EYS: variants seen among roughly 807,000 people sequenced by gnomAD.
The protein encoded by EYS is protein eyes shut homolog.
EYS carries 250 observed loss-of-function variants against 282.1 expected under a neutral mutation model. That is an observed-to-expected ratio of 0.89 (90% CI 0.80 to 0.98). The LOEUF (loss-of-function observed/expected upper bound fraction) is 0.98. EYS is among the 50% of genes least tolerant of loss of function. The pLI is 0.00. For missense variants in EYS, 4,016 were observed against 3,709.0 expected, an observed-to-expected ratio of 1.08 and a Z score of -2.15; for synonymous variants, 1,355 against 1,282.9, an observed-to-expected ratio of 1.06 and a Z score of -1.20.
Position 65,397,490 on chromosome 6 carries a change from G to A in EYS, c.1184+4988C>T, listed in dbSNP as rs549738652. On this transcript the variant is annotated intron_variant, in intron 7 of 42. Transcript: ENST00000503581. Reference sequence around the variant, plus strand: ...ATTAGGTTTTTTACTTTCTGGTTCCGAGTCATTTCACTTATGATAATGGTC... The same window carrying A: ...ATTAGGTTTTTTACTTTCTGGTTCCAAGTCATTTCACTTATGATAATGGTC... Among the ~76,000 whole-genome samples the A allele has an allele frequency of 4.0e-5, 6 of 151,802 alleles. No individual in the cohort carries two copies. In the South Asian group the frequency reaches 8.3e-4, roughly 21 times the overall value.
intron 12 of EYS, among the ~76,000 whole-genome samples, chr6:65,158,534 T>C (rs1284711357): frequency 3.3e-5 from 5 of 150,868 alleles, no homozygotes; most frequent in Admixed American, 6.6e-5. Flanking sequence ...TGCAAAGAAA[T>C]ATGTTTGTGT....
intron 26 of EYS, among the ~76,000 whole-genome samples, chr6:64,494,566 T>C (rs1030285663): frequency 9.3e-5 from 14 of 151,102 alleles, no homozygotes; most frequent in Non-Finnish European, 1.8e-4. Flanking sequence ...ATTAGTTCAA[T>C]GGATTAATGA....
chr6:65,389,097 G>T (rs1313127775), intron 7 of EYS, among the ~76,000 whole-genome samples: 1 of 152,028 alleles, frequency 6.6e-6, no homozygotes, highest in South Asian at 2.1e-4. Context: ...CTTTGCATGT[G>T]CCCTTGTGTC....
At chr6:65,681,902 T>C (rs1768837334) in intron 1 of EYS, among the ~76,000 whole-genome samples, 1 of 151,920 alleles carries the variant, frequency 6.6e-6, no homozygotes, top group African/African-American at 2.4e-5. Context: ...ATAGTGCCTC[T>C]ACCTGTCAAG....
chr6:64,665,040 A>T (rs917410047), intron 22 of EYS, among the ~76,000 whole-genome samples: 3 of 152,224 alleles, frequency 2.0e-5, no homozygotes, highest in African/African-American at 7.2e-5. Flanking sequence ...GAAAAGTCTT[A>T]TCTTTGTAAA....
chr6:63,771,335 A>G (rs1365271513), intron 40 of EYS, among the ~76,000 whole-genome samples: 1 of 152,182 alleles, frequency 6.6e-6, no homozygotes, highest in Non-Finnish European at 1.5e-5. Flanking sequence ...TGGAATTGCC[A>G]TGTATTTACT....
At chr6:65,481,069 C>T (rs1487273932) in intron 5 of EYS, among the ~76,000 whole-genome samples, 1 of 151,978 alleles carries the variant, frequency 6.6e-6, no homozygotes, top group Non-Finnish European at 1.5e-5. Flanking sequence ...ATGTGGTTAA[C>T]CGTAATTTAT....
chr6:64,296,574 ATATATATATACATATATATATATATT>A (rs1769013537), intron 30 of EYS, among the ~76,000 whole-genome samples: 12 of 6,334 alleles, frequency 1.9e-3, no homozygotes, highest in African/African-American at 0.011. Flanking sequence ...ATATATATAT[ATATATATATACATATATATATATATT>A]TTTTTTTTTT....
intron 12 of EYS, among the ~76,000 whole-genome samples, chr6:65,188,402 G>A (rs1765562546): frequency 6.6e-6 from 1 of 151,648 alleles, no homozygotes; most frequent in African/African-American, 2.4e-5. Flanking sequence ...AAACAGGTTT[G>A]TGTTGTAAAC....
chr6:64,939,687 T>C (rs941603879), intron 15 of EYS, among the ~76,000 whole-genome samples: 56 of 142,022 alleles, frequency 3.9e-4, no homozygotes, highest in African/African-American at 1.1e-3. Flanking sequence ...CACACACACA[T>C]ACACACGTGT....
At position 64,210,023 on chromosome 6, in the gene EYS, C is replaced by T. The variant is rs563947274; in HGVS notation, c.6424+20569G>A. Among the ~76,000 whole-genome samples the T allele has an allele frequency of 4.1e-4, 63 of 152,026 alleles. 1 individual carries two copies. The highest frequency in any genetic ancestry group is 4.3e-4 in the Non-Finnish European group (29 of 68,020). ...TTCTGTCTCTTTATTTGTCCTTTTC[C>T]GCATGTAACGCTAAATTTTGGTGTT... On this transcript the variant is annotated intron_variant, in intron 31 of 42. Transcript: ENST00000503581.
intron 42 of EYS, among the ~76,000 whole-genome samples, chr6:63,723,149 A>G (rs1218599865): frequency 1.3e-5 from 2 of 152,242 alleles, no homozygotes; most frequent in Non-Finnish European, 2.9e-5. Flanking sequence ...TTAGCTTGAA[A>G]GCAAAAACTT....
intron 22 of EYS, among the ~76,000 whole-genome samples, chr6:64,627,256 A>C (rs931494383): frequency 1.3e-5 from 2 of 152,224 alleles, no homozygotes; most frequent in Non-Finnish European, 2.9e-5. Flanking sequence ...AGCCGACACA[A>C]TTATATGATA....
At chr6:65,613,883 T>C (rs1052077921) in intron 2 of EYS, among the ~76,000 whole-genome samples, 1 of 151,898 alleles carries the variant, frequency 6.6e-6, no homozygotes, top group Non-Finnish European at 1.5e-5. Flanking sequence ...ATATGGATGG[T>C]TTATGGTTAT....
intron 22 of EYS, among the ~76,000 whole-genome samples, chr6:64,699,326 G>A (rs969187418): frequency 3.3e-5 from 5 of 152,050 alleles, no homozygotes; most frequent in South Asian, 2.1e-4. Context: ...TCTACTTGAG[G>A]GTGGAGCATG....
Position 65,005,817 on chromosome 6 carries a change from G to A in EYS, c.2138-8114C>T, listed in dbSNP as rs538303792. On this transcript the variant is annotated intron_variant, in intron 13 of 42. Coordinates refer to ENST00000503581, the MANE Select transcript of EYS (RefSeq NM_001142800.2). Reference sequence around the variant, plus strand: ...CCGGCAGTAGCCGGTTAAGATCATGGCACAGCCAGAAGTCTCTACCCAGCA... The same window carrying A: ...CCGGCAGTAGCCGGTTAAGATCATGACACAGCCAGAAGTCTCTACCCAGCA... Among the ~76,000 whole-genome samples the A allele has an allele frequency of 2.7e-3, 319 of 119,178 alleles. 29 individuals are homozygous for A. The highest frequency in any genetic ancestry group is 8.6e-3 in the Admixed American group (107 of 12,428). 78.2% of individuals were successfully genotyped at this position (119,178 alleles called of 152,430 possible).
At chr6:64,777,790 C>T (rs80200368) in intron 22 of EYS, among the ~76,000 whole-genome samples, 9,516 of 152,122 alleles carry the variant, frequency 0.063, 304 homozygotes, top group African/African-American at 0.083. Flanking sequence ...CAACAACACA[C>T]TATTTTAATC....
chr6:64,462,546 C>T (rs866541350), intron 26 of EYS, among the ~76,000 whole-genome samples: 3 of 151,976 alleles, frequency 2.0e-5, no homozygotes, highest in Non-Finnish European at 2.9e-5. Context: ...TTTTACTCAT[C>T]CTTCTAGTTA....
At chr6:64,186,894 C>T (rs1043723308) in intron 31 of EYS, among the ~76,000 whole-genome samples, 2 of 152,146 alleles carry the variant, frequency 1.3e-5, no homozygotes, top group African/African-American at 4.8e-5. Context: ...GACCGCTTTC[C>T]ATACAGAGTA....
Sources: allele counts gnomAD v4.1 joint callset (sites outside exome capture counted in the v4.1 genomes callset), GRCh38; gene constraint gnomAD v4.1.1; transcripts MANE v1.5; gene names NCBI Gene and HGNC (gene_info 2026-07-23, HGNC 2026-07-21).